ACSL3: variants seen among roughly 807,000 people sequenced by gnomAD.
The protein encoded by ACSL3 is fatty acid CoA ligase Acsl3.
ACSL3 carries 34 observed loss-of-function variants against 84.7 expected under a neutral mutation model. That is an observed-to-expected ratio of 0.40 (90% CI 0.31 to 0.53). The LOEUF (loss-of-function observed/expected upper bound fraction) is 0.53. Among genes scored for constraint, ACSL3 ranks in the 20% least tolerant of loss-of-function variants. The pLI is 0.48. For synonymous variants in ACSL3, 315 were observed against 299.4 expected, an observed-to-expected ratio of 1.05 and a Z score of -0.54; for missense variants, 680 against 873.1, an observed-to-expected ratio of 0.78 and a Z score of 2.79.
chr2:222,876,327 T>G (rs570647394), intron 1 of ACSL3, among the ~76,000 whole-genome samples: 1 of 152,228 alleles, frequency 6.6e-6, no homozygotes, highest in African/African-American at 2.4e-5. Context: ...GTTGTTTGTT[T>G]GTTTTTTTGT....
intron 1 of ACSL3, among the ~76,000 whole-genome samples, chr2:222,871,520 G>A (rs971013659): frequency 6.6e-6 from 1 of 152,170 alleles, no homozygotes; most frequent in African/African-American, 2.4e-5. Flanking sequence ...CTCAGCTAAG[G>A]CTGGGTCTCA....
chr2:222,901,964 A>AAAAAAAAAAATG (rs57522671), intron 3 of ACSL3, among the ~76,000 whole-genome samples: 16,406 of 99,124 alleles, frequency 0.17, 4,138 homozygotes, highest in East Asian at 0.39. Flanking sequence ...AAAAAAAAAA[A>AAAAAAAAAAATG]GAACTCAAAT....
intron 8 of ACSL3, among the ~76,000 whole-genome samples, chr2:222,922,154 T>A (rs1696758096): frequency 6.6e-6 from 1 of 152,220 alleles, no homozygotes; most frequent in South Asian, 2.1e-4. Context: ...GGGGCAGCTC[T>A]TGAAGTATAT....
At chr2:222,899,085 G>A (rs1319771069) in intron 2 of ACSL3, among the ~76,000 whole-genome samples, 2 of 151,912 alleles carry the variant, frequency 1.3e-5, no homozygotes, top group Admixed American at 6.6e-5. Flanking sequence ...ACCGTCATAC[G>A]ATATAGAAAA....
intron 16 of ACSL3, among the ~76,000 whole-genome samples, chr2:222,937,541 T>G (rs1293091327): frequency 6.6e-6 from 1 of 152,196 alleles, no homozygotes; most frequent in African/African-American, 2.4e-5. Context: ...GACTCTTTTA[T>G]CATTATATTG....
intron 1 of ACSL3, among the ~76,000 whole-genome samples, chr2:222,866,840 CTTT>C (rs768574686): frequency 8.9e-6 from 1 of 111,870 alleles, no homozygotes; most frequent in African/African-American, 3.3e-5. Flanking sequence ...TTTTCTTTTT[CTTT>C]TTTTTTTTTG....
At chr2:222,890,002 G>T (rs1057507012) in intron 2 of ACSL3, among the ~76,000 whole-genome samples, 3 of 152,196 alleles carry the variant, frequency 2.0e-5, no homozygotes, top group African/African-American at 7.2e-5. Flanking sequence ...AGATAAAAAA[G>T]CAAGTAATAT....
At chr2:222,867,595 T>G (rs1695184686) in intron 1 of ACSL3, among the ~76,000 whole-genome samples, 1 of 152,220 alleles carries the variant, frequency 6.6e-6, no homozygotes. Flanking sequence ...GAGTTTCAAC[T>G]CAATTCATCA....
chr2:222,910,244 A>G (rs963756519), intron 4 of ACSL3, among the ~76,000 whole-genome samples: 1 of 152,226 alleles, frequency 6.6e-6, no homozygotes, highest in Non-Finnish European at 1.5e-5. Context: ...GCCGTTTATG[A>G]ACTTGGATAT....
At chr2:222,934,492 C>T (rs1209148971) in intron 15 of ACSL3, 38 bp from the exon 16 acceptor site, 1 of 1,458,008 alleles carries the variant, frequency 6.9e-7, no homozygotes, top group East Asian at 2.5e-5. Flanking sequence ...CACAGTTCAC[C>T]ATTTTGTTCC....
chr2:222,906,925 T>C (rs183378538), intron 3 of ACSL3, among the ~76,000 whole-genome samples: 11 of 152,332 alleles, frequency 7.2e-5, no homozygotes, highest in Non-Finnish European at 1.5e-4. Context: ...CTGTGTTGTT[T>C]TTGACAGTGC....
At chr2:222,882,188 G>A (rs1332001991) in intron 1 of ACSL3, among the ~76,000 whole-genome samples, 1 of 152,190 alleles carries the variant, frequency 6.6e-6, no homozygotes, top group African/African-American at 2.4e-5. Flanking sequence ...TAATTTCTTA[G>A]CAAAATGTAT....
At chr2:222,881,591 A>G (rs944370140) in intron 1 of ACSL3, among the ~76,000 whole-genome samples, 1 of 152,150 alleles carries the variant, frequency 6.6e-6, no homozygotes, top group African/African-American at 2.4e-5. Context: ...ATCTTGGTTT[A>G]CTGCAACCTC....
chr2:222,930,528 G>C, intron 13 of ACSL3, 93 bp from the exon 14 acceptor site: 1 of 1,105,210 alleles, frequency 9.0e-7, no homozygotes. Flanking sequence ...GTTCTAATTG[G>C]ATTAAAATAA....
intron 5 of ACSL3, among the ~76,000 whole-genome samples, chr2:222,917,071 TG>T (rs1477726002): frequency 6.6e-6 from 1 of 152,170 alleles, no homozygotes; most frequent in East Asian, 1.9e-4. Context: ...CCAGATTTCT[TG>T]CTGTAAATTC....
chr2:222,900,498 A>G (rs547303064), intron 2 of ACSL3, among the ~76,000 whole-genome samples, 176 bp from the exon 3 acceptor site: 22 of 152,034 alleles, frequency 1.4e-4, no homozygotes, highest in Non-Finnish European at 2.6e-4. Context: ...GATGACTCAC[A>G]GGAATCTTAA....
rs1162045893 is a variant in ACSL3, at chr2:222,922,824, C to T, written c.1073C>T (p.Ala358Val). Residue 358 changes from alanine to valine, a missense_variant, in exon 9 of 17, where the codon GCA becomes GTA. Around this residue, in one of 2 missense-constraint regions of ACSL3, gnomAD observed 347 missense variants for 525.7 expected, o/e 0.66. Transcript: ENST00000357430. ...GGTTACTCTTCACCACAGACTTTAGCAGATCAGGTAAGTTCAGTGTCTGTG... is the reference window on the plus strand; with the variant it reads ...GGTTACTCTTCACCACAGACTTTAGTAGATCAGGTAAGTTCAGTGTCTGTG... ...RIGYSSPQTL[A>V]DQSSKIKKGS... 6.2e-7 allele frequency: 1 copy of T among 1,614,108 alleles called. No individual in the cohort carries two copies.
intron 8 of ACSL3, 95 bp from the exon 9 acceptor site, chr2:222,922,613 C>T: frequency 6.7e-7 from 1 of 1,485,794 alleles, no homozygotes. Flanking sequence ...TGCCCTGGGG[C>T]CCTTCCATGT....
At chr2:222,922,433 C>T (rs1696764617) in intron 8 of ACSL3, among the ~76,000 whole-genome samples, 1 of 152,206 alleles carries the variant, frequency 6.6e-6, no homozygotes, top group Non-Finnish European at 1.5e-5. Context: ...TTCCTGAGTG[C>T]TTTTAAGTAG....
Sources: gnomAD v4.1 joint callset for allele counts (sites outside exome capture counted in the v4.1 genomes callset) on GRCh38, gnomAD v4.1.1 for gene constraint, gnomAD v4.1.1 regional missense constraint, MANE v1.5 for transcripts, NCBI Gene and HGNC (gene_info 2026-07-23, HGNC 2026-07-21) for gene names.